The following GPD2 variants were observed in gnomAD, a reference collection of about 807,000 sequenced individuals.
GPD2 encodes the protein glycerol-3-phosphate dehydrogenase, mitochondrial.
In GPD2, 54 loss-of-function variants were observed where a neutral mutation model predicts 82.4. That is an observed-to-expected ratio of 0.66 (90% confidence interval 0.53 to 0.82). The LOEUF is 0.82. GPD2 is among the 40% of genes least tolerant of loss of function. The pLI is 0.00. For synonymous variants in GPD2, 288 were observed against 306.1 expected (o/e 0.94, Z 0.62); for missense variants, 748 against 896.2 (o/e 0.83, Z 2.11).
chr2:156,436,056 G>T (rs1252893255), upstream of GPD2, among the ~76,000 whole-genome samples: 3 of 152,220 alleles, frequency 2.0e-5, no homozygotes, highest in South Asian at 6.2e-4. Context: ...GGCGCTGCGC[G>T]ACCCCACCCG....
intron 9 of GPD2, among the ~76,000 whole-genome samples, chr2:156,563,972 C>A (rs913597894): frequency 1.3e-5 from 2 of 152,104 alleles, no homozygotes; most frequent in Non-Finnish European, 2.9e-5. Flanking sequence ...CGAATTGGAT[C>A]GTGGAGCTAT....
chr2:156,412,868 A>G, the GPD2 span, among the ~76,000 whole-genome samples: 1 of 152,168 alleles, frequency 6.6e-6, no homozygotes, highest in Non-Finnish European at 1.5e-5. Flanking sequence ...AGGCTGAGAC[A>G]GGTGGATCAA....
chr2:156,498,446 G>T (rs1277230293), intron 3 of GPD2, among the ~76,000 whole-genome samples: 1 of 152,188 alleles, frequency 6.6e-6, no homozygotes, highest in East Asian at 1.9e-4. Flanking sequence ...CATTTTAATA[G>T]GCAAACATTG....
intron 6 of GPD2, among the ~76,000 whole-genome samples, chr2:156,519,400 A>C (rs183270955): frequency 6.6e-6 from 1 of 152,234 alleles, no homozygotes; most frequent in Non-Finnish European, 1.5e-5. Flanking sequence ...AAACATAAAA[A>C]CAAAGAACTA....
At chr2:156,503,701 A>C (rs923298615) in intron 3 of GPD2, among the ~76,000 whole-genome samples, 3 of 152,196 alleles carry the variant, frequency 2.0e-5, no homozygotes, top group African/African-American at 7.2e-5. Flanking sequence ...TTTTAAAGCG[A>C]GATGGTATCA....
In GPD2 at chr2:156,582,987, C is replaced by T; in HGVS notation, c.*69C>T. 1 of 1,505,622 alleles carries T rather than the reference C, an allele frequency of 6.6e-7. No individual in the cohort carries two copies. The highest frequency in any genetic ancestry group is 1.7e-4 in the Middle Eastern group (1 of 5,860). 93.3% of individuals were successfully genotyped at this position (1,505,622 alleles called of 1,614,324 possible). A position where few individuals can be genotyped will look rare whatever the true frequency, so the allele number is the denominator to read the frequency against. ...ATCACCATGTAACAACCAGAGATGA[C>T]TGAAACCACTCTGAAATAATGAATG... On this transcript the variant is annotated 3_prime_UTR_variant, in exon 17 of 17. Transcript: ENST00000438166.
intron 6 of GPD2, among the ~76,000 whole-genome samples, chr2:156,536,803 A>T (rs1686101651): frequency 6.6e-6 from 1 of 152,186 alleles, no homozygotes; most frequent in South Asian, 2.1e-4. Context: ...CCTCATCAGT[A>T]CGTGGGATCT....
chr2:156,482,640 C>T (rs926000016), intron 2 of GPD2, among the ~76,000 whole-genome samples: 3 of 151,888 alleles, frequency 2.0e-5, no homozygotes. Flanking sequence ...TTCTTCTTTC[C>T]CAAAGTCAGT....
intron 1 of GPD2, among the ~76,000 whole-genome samples, chr2:156,463,647 T>C (rs1166375166): frequency 1.3e-5 from 2 of 152,212 alleles, no homozygotes; most frequent in East Asian, 3.8e-4. Context: ...AGCAAGTTAG[T>C]GGAAGAGACA....
chr2:156,579,064 A>T, intron 14 of GPD2, 22 bp from the exon 15 acceptor site: 2 of 1,579,284 alleles, frequency 1.3e-6, no homozygotes, highest in Non-Finnish European at 1.7e-6. Flanking sequence ...ATATTTTTCC[A>T]TTATTTAATC....
At chr2:156,487,422 C>T (rs1683985980) in intron 2 of GPD2, among the ~76,000 whole-genome samples, 1 of 152,206 alleles carries the variant, frequency 6.6e-6, no homozygotes, top group South Asian at 2.1e-4. Context: ...ATCTCACTAA[C>T]TGCCATCAAC....
the GPD2 span, among the ~76,000 whole-genome samples, chr2:156,402,530 G>A: frequency 6.6e-6 from 1 of 152,078 alleles, no homozygotes; most frequent in African/African-American, 2.4e-5. Context: ...GGAGAAATGG[G>A]GTTTTAAAAT....
chr2:156,530,379 G>A (rs905635046), intron 6 of GPD2, among the ~76,000 whole-genome samples: 5 of 147,960 alleles, frequency 3.4e-5, no homozygotes, highest in African/African-American at 5.0e-5. Flanking sequence ...TCTGCAAACA[G>A]GGACAATTTG....
intron 2 of GPD2, among the ~76,000 whole-genome samples, chr2:156,489,599 C>T (rs528072028): frequency 6.6e-6 from 1 of 152,210 alleles, no homozygotes; most frequent in Admixed American, 6.5e-5. Flanking sequence ...TTGAAGGCCT[C>T]CACAAAATAC....
intron 1 of GPD2, among the ~76,000 whole-genome samples, chr2:156,444,792 C>T (rs1558901255): frequency 6.6e-6 from 1 of 152,132 alleles, no homozygotes; most frequent in African/African-American, 2.4e-5. Context: ...TGCTCTGCTG[C>T]CCAGGCAGGA....
At chr2:156,562,779 G>T (rs1387316186) in intron 9 of GPD2, among the ~76,000 whole-genome samples, 2 of 152,014 alleles carry the variant, frequency 1.3e-5, no homozygotes, top group Non-Finnish European at 2.9e-5. Context: ...CGTGAAAATT[G>T]TCTGTTCAAC....
intron 9 of GPD2, among the ~76,000 whole-genome samples, chr2:156,561,040 C>CTTTTTTTTTTT (rs35948070): frequency 0.06 from 1,646 of 27,604 alleles, 614 homozygotes; most frequent in East Asian, 0.18. Flanking sequence ...TGACATTAAG[C>CTTTTTTTTTTT]TTTTTTTTTT....
chr2:156,541,986 T>C (rs1307989340), intron 6 of GPD2, among the ~76,000 whole-genome samples: 1 of 151,930 alleles, frequency 6.6e-6, no homozygotes, highest in East Asian at 1.9e-4. Flanking sequence ...AAATGTGGTT[T>C]CATTTTTGTT....
At chr2:156,529,210 A>G (rs1396729466) in intron 6 of GPD2, among the ~76,000 whole-genome samples, 69 of 80,130 alleles carry the variant, frequency 8.6e-4, no homozygotes, top group African/African-American at 2.1e-3. Flanking sequence ...ATTTTTTCAT[A>G]TGTTTTTTGG....
Sources: allele counts gnomAD v4.1 joint callset (sites outside exome capture counted in the v4.1 genomes callset), GRCh38; gene constraint gnomAD v4.1.1; transcripts MANE v1.5; gene names NCBI Gene and HGNC (gene_info 2026-07-23, HGNC 2026-07-21).